Variants in ADH4 observed in about 807,000 individuals in gnomAD.
ADH4 encodes all-trans-retinol dehydrogenase [NAD(+)] ADH4.
Under a neutral mutation model 35.2 loss-of-function variants are expected in ADH4, and 31 were observed. That is an observed-to-expected ratio of 0.88 (90% CI 0.66 to 1.19). ADH4 has a LOEUF of 1.19. Among genes scored for constraint, ADH4 ranks in the 50% most tolerant of loss-of-function variants. The pLI is 0.00. For missense variants in ADH4, 476 were observed against 458.3 expected, an observed-to-expected ratio of 1.04 and a Z score of -0.35; for synonymous variants, 171 against 160.2, an observed-to-expected ratio of 1.07 and a Z score of -0.51.
chr4:99,130,262 A>G (rs978870718), intron 6 of ADH4, among the ~76,000 whole-genome samples: 2 of 152,232 alleles, frequency 1.3e-5, no homozygotes, highest in Admixed American at 1.3e-4. Flanking sequence ...ATTAAATTCT[A>G]AATTAAGTCT....
rs777570448 is a variant in ADH4 at position 99,126,650 on chromosome 4, A to G, written c.1062T>C (p.His354=). The G allele has an allele frequency of 5.6e-6, 9 of 1,612,090 alleles. No homozygotes were observed. The South Asian group carries it at 6.6e-5, about 12-fold the overall frequency. The change falls in exon 8 of 9, where the codon CAT becomes CAC. Residue 354 remains histidine, a synonymous_variant. Transcript: ENST00000265512. ...CACTGATTTTGTCAAAAGGCAGGGT[A>G]TGGGTCACCAGTGCATCCAGATTGA... ...KKFNLDALVT[H]TLPFDKISEA...
rs370992811 is a variant in ADH4 at position 99,136,654 on chromosome 4, T to C, written c.394A>G (p.Lys132Glu). The C allele has an allele frequency of 1.2e-6, 2 of 1,614,118 alleles. No individual in the cohort carries two copies. ...PASDQQLMED[K>E]TSRFTCKGKP... Reference sequence around the variant, plus strand: ...CCTTTGCAGGTAAACCTGCTGGTTTTGTCTTCCATTAGTTGTTGATCACTA... The same window carrying C: ...CCTTTGCAGGTAAACCTGCTGGTTTCGTCTTCCATTAGTTGTTGATCACTA... The change falls in exon 5 of 9, where the codon AAA becomes GAA. Residue 132 changes from lysine (K) to glutamate (E), a missense_variant. Lys to Glu is a moderately conservative substitution (Grantham distance 56). Transcript: ENST00000265512.
rs550356850 is a variant in ADH4, at chr4:99,141,541, C to T, written c.262G>A (p.Gly88Ser). Residue 88 changes from glycine to serine, a missense_variant and splice_region_variant, in exon 3 of 9, where the codon GGT becomes AGT. Gly to Ser is a moderately conservative substitution (Grantham distance 56). Transcript: ENST00000265512. ...ATTTTTTCTGAATAAAATAAAATAC[C>T]TGGTTTGACGTTGGTCACTCCTGGC... is the stretch of plus-strand genomic sequence containing the variant. ...IGPGVTNVKP[G>S]DKVIPLYAPL... 1 of 1,600,800 alleles carries T rather than the reference C, an allele frequency of 6.2e-7. No homozygotes were observed. Among genetic ancestry groups the T allele is most frequent in the South Asian group, 1.1e-5 (1 of 88,932 alleles).
rs753811745 is a variant in ADH4 at position 99,139,151 on chromosome 4, A to G, written c.263-3T>C. The stretch of plus-strand genomic sequence containing the variant: ...ATAAAGTGGAATTACTTTGTCACCT[A>G]GAAAGAAAGGCCATATGTTGGATGG... On this transcript the variant is annotated splice_polypyrimidine_tract_variant and splice_region_variant and intron_variant, in intron 3 of 8. Transcript: ENST00000265512. The G allele has an allele frequency of 5.0e-6, 8 of 1,609,614 alleles. No homozygotes were observed. The East Asian group carries it at 1.6e-4, about 31-fold the overall frequency.
At chr4:99,130,172 C>A (rs954650389) in intron 6 of ADH4, among the ~76,000 whole-genome samples, 4 of 152,168 alleles carry the variant, frequency 2.6e-5, no homozygotes, top group Admixed American at 2.6e-4. Context: ...AAATAAGTAA[C>A]TATTGTTTTA....
chr4:99,135,601 A>C (rs1173869637), intron 5 of ADH4, among the ~76,000 whole-genome samples: 1 of 152,140 alleles, frequency 6.6e-6, no homozygotes, highest in Non-Finnish European at 1.5e-5. Flanking sequence ...GACCACAGTG[A>C]CTGAAGCCTG....
intron 8 of ADH4, among the ~76,000 whole-genome samples, chr4:99,125,553 G>A (rs902845217): frequency 1.1e-4 from 17 of 152,194 alleles, no homozygotes; most frequent in African/African-American, 4.1e-4. Context: ...CTAACTTGAG[G>A]AGTATTCCTT....
intron 8 of ADH4, among the ~76,000 whole-genome samples, chr4:99,125,850 C>T (rs1729069801): frequency 6.6e-6 from 1 of 152,156 alleles, no homozygotes; most frequent in African/African-American, 2.4e-5. Flanking sequence ...GACTTTTCCT[C>T]CTCTCTTTTG....
chr4:99,137,976 C>T (rs1008413305), intron 4 of ADH4, among the ~76,000 whole-genome samples: 8 of 152,062 alleles, frequency 5.3e-5, no homozygotes, highest in African/African-American at 1.7e-4. Context: ...ATCATTTGTC[C>T]TATAGAGTTT....
Position 99,127,198 on chromosome 4 carries a change from A to G in ADH4, c.979+11T>C. 6.3e-7 allele frequency: 1 copy of G among 1,585,596 alleles called. No individual in the cohort carries two copies. Among genetic ancestry groups the G allele is most frequent in the Non-Finnish European group, 8.5e-7 (1 of 1,170,560 alleles). On this transcript the variant is annotated intron_variant, in intron 7 of 8. Transcript: ENST00000265512. ...AAAGAATTTAAAGCTATGAAGAAAA[A>G]AAAAACTGACCACCAAAGAATGTTC...
At chr4:99,138,939 C>G (rs1360910984) in intron 4 of ADH4, 122 bp downstream of exon 4, 2 of 652,844 alleles carry the variant, frequency 3.1e-6, no homozygotes, top group African/African-American at 3.6e-5. Flanking sequence ...CTTGTACACA[C>G]CTAGGATTAG....
At chr4:99,127,910 GT>G (rs901018713) in intron 6 of ADH4, among the ~76,000 whole-genome samples, 3 of 151,556 alleles carry the variant, frequency 2.0e-5, no homozygotes, top group Non-Finnish European at 4.4e-5. Flanking sequence ...AAGTAAATAA[GT>G]TTTATATTTG....
Position 99,136,713 on chromosome 4 carries a change from A to G in ADH4, c.351-16T>C, listed in dbSNP as rs756271596. 3.3e-6 allele frequency: 5 copies of G among 1,506,836 alleles called. 1 individual carries two copies. The highest frequency in any genetic ancestry group is 2.3e-5 in the South Asian group (2 of 87,430). The allele number at this position is 1,506,836 out of a possible 1,614,324, so 93.3% of individuals were successfully genotyped here. On this transcript the variant is annotated splice_polypyrimidine_tract_variant and intron_variant, in intron 4 of 8. Coordinates refer to ENST00000265512, the MANE Select transcript of ADH4 (RefSeq NM_000670.5). ...TTTGAGATTACTAGAAAATTAAAAAAAAGAGTGATACAAATAAAGAGAAGT... is the reference window on the plus strand; with the variant it reads ...TTTGAGATTACTAGAAAATTAAAAAGAAGAGTGATACAAATAAAGAGAAGT...
chr4:99,144,210 C>A lies in ADH4; in HGVS notation c.13G>T (p.Gly5Cys). MGTK[G>C]KVIKCKAAIA... ...GATACAGCTTACTTGCTTACTTTGC[C>A]CTTGGTGCCCATTTTTCTTTGGGAA... The change falls in exon 1 of 9, where the codon GGC (glycine) becomes TGC (cysteine). Residue 5 changes from glycine (G) to cysteine (C), a missense_variant. Transcript: ENST00000265512. The A allele has an allele frequency of 6.2e-7, 1 of 1,613,794 alleles. No individual in the cohort carries two copies. Among genetic ancestry groups the A allele is most frequent in the South Asian group, 1.1e-5 (1 of 91,070 alleles).
At chr4:99,144,113 C>T in intron 1 of ADH4, 92 bp downstream of exon 1, 1 of 1,432,696 alleles carries the variant, frequency 7.0e-7, no homozygotes, top group South Asian at 1.2e-5. Context: ...TAAGTCACTG[C>T]TTCCTGAGTT....
chr4:99,133,966 G>C (rs919487991), intron 5 of ADH4, among the ~76,000 whole-genome samples: 4 of 152,118 alleles, frequency 2.6e-5, no homozygotes, highest in African/African-American at 9.7e-5. Flanking sequence ...ATACACAATG[G>C]AGTACTAATT....
intron 2 of ADH4, among the ~76,000 whole-genome samples, chr4:99,142,142 G>A (rs952505325): frequency 1.3e-5 from 2 of 152,158 alleles, no homozygotes; most frequent in Admixed American, 6.5e-5. Flanking sequence ...GGTCCTCAAG[G>A]AAAATATAAG....
chr4:99,132,333 A>G (rs1045917837), intron 5 of ADH4, among the ~76,000 whole-genome samples: 2 of 152,160 alleles, frequency 1.3e-5, no homozygotes, highest in Non-Finnish European at 2.9e-5. Context: ...GCCGTAGTTG[A>G]CGCTGCTCCC....
Position 99,139,072 on chromosome 4 carries a change from A to G in ADH4, c.339T>C (p.Cys113=). 2 of 1,612,388 alleles carry G rather than the reference A, an allele frequency of 1.2e-6. No individual in the cohort carries two copies. The highest frequency in any genetic ancestry group is 1.7e-6 in the Non-Finnish European group (2 of 1,178,820). The change falls in exon 4 of 9, where the codon TGT becomes TGC. Residue 113 remains cysteine (C), a synonymous_variant. Coordinates refer to ENST00000265512, the MANE Select transcript of ADH4 (RefSeq NM_000670.5). ...TGTAGAGTGCTTACCTGATTTTCCC[A>G]CACAAATTTGTGAGTGGACTCAGAC... ...KFCLSPLTNL[C]GKISNLKSPA...
Sources: allele counts gnomAD v4.1 joint callset (sites outside exome capture counted in the v4.1 genomes callset), GRCh38; gene constraint gnomAD v4.1.1; transcripts MANE v1.5; gene names NCBI Gene and HGNC (gene_info 2026-07-23, HGNC 2026-07-21).